The following GOLIM4 variants were observed in gnomAD, a reference collection of about 807,000 sequenced individuals.
GOLIM4 encodes 130 kDa golgi-localized phosphoprotein.
In GOLIM4, 71 loss-of-function variants were observed where a neutral mutation model predicts 107.4. That is an observed-to-expected ratio of 0.66 (90% CI 0.55 to 0.81). The LOEUF is 0.81. GOLIM4 is among the 30% of genes least tolerant of loss of function. GOLIM4 has a pLI of 0.00. For synonymous variants in GOLIM4, 327 were observed against 294.8 expected (o/e 1.11, Z -1.12); for missense variants, 830 against 826.1 (o/e 1.00, Z -0.06).
chr3:168,059,715 G>C (rs1577551827), intron 1 of GOLIM4, among the ~76,000 whole-genome samples: 1 of 152,330 alleles, frequency 6.6e-6, no homozygotes, highest in Non-Finnish European at 1.5e-5. Flanking sequence ...TAAAGAAGTA[G>C]AGTAAAAGAG....
intron 6 of GOLIM4, chr3:168,041,169 A>T (rs1718978065): frequency 5.8e-6 from 3 of 521,032 alleles, no homozygotes; most frequent in South Asian, 6.3e-5. Flanking sequence ...TGTAACTAGC[A>T]TGAGAATAAT....
At chr3:168,088,158 A>G (rs1202097394) in intron 1 of GOLIM4, among the ~76,000 whole-genome samples, 1 of 152,202 alleles carries the variant, frequency 6.6e-6, no homozygotes, top group Non-Finnish European at 1.5e-5. Flanking sequence ...CTTAGTTGCT[A>G]TCATGTAAAG....
intron 1 of GOLIM4, among the ~76,000 whole-genome samples, chr3:168,060,928 T>A (rs1466872768): frequency 6.8e-6 from 1 of 146,912 alleles, no homozygotes; most frequent in Non-Finnish European, 1.5e-5. Context: ...TCTGCATGAT[T>A]GTAAAATTAA....
At chr3:168,010,908 G>C (rs56801598) in intron 14 of GOLIM4, 85 bp from the exon 15 acceptor site, 83,764 of 918,954 alleles carry the variant, frequency 0.091, 11,003 homozygotes, top group African/African-American at 0.53. Context: ...ATCATTTAAA[G>C]ACTTGCAATA....
intron 14 of GOLIM4, among the ~76,000 whole-genome samples, chr3:168,012,009 T>C (rs1475806822): frequency 1.4e-5 from 2 of 143,880 alleles, no homozygotes; most frequent in Non-Finnish European, 2.9e-5. Context: ...AGGAACACAG[T>C]TCCTCACCAG....
chr3:168,044,166 G>A (rs757643549), intron 4 of GOLIM4, among the ~76,000 whole-genome samples: 12 of 152,118 alleles, frequency 7.9e-5, no homozygotes, highest in Admixed American at 5.2e-4. Flanking sequence ...AAAAGATTCC[G>A]GTTTCAATAA....
At chr3:168,046,877 TTCTC>T (rs147843829) in intron 3 of GOLIM4, 69 bp downstream of exon 3, 34 of 785,412 alleles carry the variant, frequency 4.3e-5, no homozygotes, top group East Asian at 2.7e-4. Context: ...GCAACTGTAT[TTCTC>T]TCTCTTTCAA....
Position 168,024,588 on chromosome 3 carries a change from C to T in GOLIM4, c.1798G>A (p.Gly600Arg). The T allele has an allele frequency of 6.2e-7, 1 of 1,613,126 alleles. No homozygotes were observed. Among genetic ancestry groups the T allele is most frequent in the East Asian group, 2.2e-5 (1 of 44,870 alleles). ...TEVEEHLVMA[G>R]NPDQQEDNVD... ...TTGTCCTCCTGCTGGTCTGGATTTC[C>T]TGCCATCTGTTGGAAACAAAAGGGC... is the stretch of plus-strand genomic sequence containing the variant. The change falls in exon 14 of 16, where the codon GGA becomes AGA. Residue 600 changes from glycine to arginine, a missense_variant. Gly to Arg is a moderately radical substitution (Grantham distance 125). Transcript: ENST00000470487.
At chr3:168,055,309 C>T (rs919953115) in intron 1 of GOLIM4, among the ~76,000 whole-genome samples, 1 of 152,146 alleles carries the variant, frequency 6.6e-6, no homozygotes, top group Non-Finnish European at 1.5e-5. Context: ...GATATGGACA[C>T]TGAAATCCAG....
At chr3:168,054,909 G>C (rs1475363305) in intron 1 of GOLIM4, among the ~76,000 whole-genome samples, 1 of 152,084 alleles carries the variant, frequency 6.6e-6, no homozygotes, top group Non-Finnish European at 1.5e-5. Context: ...AGTCTCATGA[G>C]ATCTGATGGT....
chr3:168,049,173 A>G (rs1277104817), intron 1 of GOLIM4, among the ~76,000 whole-genome samples: 1 of 152,056 alleles, frequency 6.6e-6, no homozygotes, highest in Non-Finnish European at 1.5e-5. Context: ...CTGGCAGACA[A>G]CAAGGGAGAA....
At chr3:168,089,375 AGGTC>A (rs959059230) in intron 1 of GOLIM4, among the ~76,000 whole-genome samples, 6 of 152,204 alleles carry the variant, frequency 3.9e-5, no homozygotes, top group African/African-American at 1.2e-4. Flanking sequence ...TAAATTGCTG[AGGTC>A]TATGAACCAC....
At chr3:168,040,743 G>C (rs768427832) in intron 7 of GOLIM4, 43 bp downstream of exon 7, 1 of 1,259,052 alleles carries the variant, frequency 7.9e-7, no homozygotes, top group Non-Finnish European at 1.2e-6. Flanking sequence ...GAAATGTTAA[G>C]CAGACTTGTA....
chr3:168,020,823 C>A (rs928700618), intron 14 of GOLIM4, among the ~76,000 whole-genome samples: 3 of 152,146 alleles, frequency 2.0e-5, no homozygotes, highest in Admixed American at 6.5e-5. Flanking sequence ...GGCAGTAATG[C>A]CTTTAAGTAA....
At chr3:168,046,579 G>T (rs560103932) in intron 3 of GOLIM4, among the ~76,000 whole-genome samples, 192 of 152,256 alleles carry the variant, frequency 1.3e-3, no homozygotes, top group African/African-American at 4.4e-3. Context: ...TTCCACAAAT[G>T]TTCTTAAATG....
chr3:168,041,125 T>C (rs1718974050), intron 6 of GOLIM4: 1 of 510,406 alleles, frequency 2.0e-6, no homozygotes, highest in Non-Finnish European at 3.4e-6. Flanking sequence ...TTCTCATTAT[T>C]AGTAAACTTT....
chr3:168,041,876 T>A (rs1266760583), intron 5 of GOLIM4, among the ~76,000 whole-genome samples: 1 of 152,000 alleles, frequency 6.6e-6, no homozygotes, highest in African/African-American at 2.4e-5. Context: ...TTTTTAAAAA[T>A]AATTTAAAAT....
chr3:168,040,592 C>G (rs983340667), intron 7 of GOLIM4, among the ~76,000 whole-genome samples, 194 bp downstream of exon 7: 4 of 152,158 alleles, frequency 2.6e-5, no homozygotes, highest in African/African-American at 9.7e-5. Flanking sequence ...ACCGCACAAC[C>G]AGTGCAAAAA....
intron 1 of GOLIM4, among the ~76,000 whole-genome samples, chr3:168,069,326 C>T (rs1269827698): frequency 6.6e-6 from 1 of 152,134 alleles, no homozygotes; most frequent in African/African-American, 2.4e-5. Context: ...AGGGACAATA[C>T]ACATTTAGTT....
Sources: allele counts gnomAD v4.1 joint callset (sites outside exome capture counted in the v4.1 genomes callset), GRCh38; gene constraint gnomAD v4.1.1; transcripts MANE v1.5; gene names NCBI Gene and HGNC (gene_info 2026-07-23, HGNC 2026-07-21).